KIAA1958: variants seen among roughly 807,000 people sequenced by gnomAD.
The protein encoded by KIAA1958 is KIAA1958.
In KIAA1958, 14 loss-of-function variants were observed where a neutral mutation model predicts 47.2. That is an observed-to-expected ratio of 0.30 (90% CI 0.20 to 0.46). The LOEUF is 0.46. Among genes scored for constraint, KIAA1958 ranks in the 20% least tolerant of loss-of-function variants. KIAA1958 has a pLI of 1.00. For synonymous variants in KIAA1958, 354 were observed against 353.3 expected, an observed-to-expected ratio of 1.00 and a Z score of -0.02; for missense variants, 803 against 909.2, an observed-to-expected ratio of 0.88 and a Z score of 1.50.
chr9:112,531,232 T>C (rs892778237), intron 1 of KIAA1958, among the ~76,000 whole-genome samples: 2 of 151,892 alleles, frequency 1.3e-5, no homozygotes, highest in Non-Finnish European at 2.9e-5. Flanking sequence ...CTACTAAAAA[T>C]ACAAAATTAG....
In KIAA1958 at chr9:112,618,085, C is replaced by T; in HGVS notation, c.1172-27565C>T. Reference sequence around the variant, plus strand: ...AGAAGGATGGGTCCGAATACGAACCCAACAGCTTGGCCAATTACCAGTGTG... The same window carrying T: ...AGAAGGATGGGTCCGAATACGAACCTAACAGCTTGGCCAATTACCAGTGTG... On this transcript the variant is annotated intron_variant, in intron 2 of 3. Transcript: ENST00000337530. The surrounding 1 kb of genome is among the most constrained non-coding windows in gnomAD (Gnocchi z 7.1). 6.4e-7 allele frequency: 1 copy of T among 1,550,540 alleles called. No individual in the cohort carries two copies.
At chr9:112,553,724 T>G (rs560622605) in intron 1 of KIAA1958, among the ~76,000 whole-genome samples, 11 of 152,338 alleles carry the variant, frequency 7.2e-5, no homozygotes, top group African/African-American at 2.6e-4. Flanking sequence ...CTCTGCTTTA[T>G]AAGATCTAAT....
chr9:112,636,339 G>A (rs1033235702), intron 2 of KIAA1958, among the ~76,000 whole-genome samples: 1 of 151,888 alleles, frequency 6.6e-6, no homozygotes, highest in African/African-American at 2.4e-5. Flanking sequence ...ATACAAACTT[G>A]AAGAAATGTG....
At chr9:112,653,621 C>T (rs1837097619) in intron 3 of KIAA1958, among the ~76,000 whole-genome samples, 1 of 152,184 alleles carries the variant, frequency 6.6e-6, no homozygotes, top group Non-Finnish European at 1.5e-5. Flanking sequence ...AAGACAGAAG[C>T]AGGCCACGTG....
rs1327863170 is a variant in KIAA1958, at chr9:112,486,845, G to A, written c.-298G>A. 2 of 130,372 alleles carry A rather than the reference G, an allele frequency of 1.5e-5. No individual in the cohort carries two copies. Among genetic ancestry groups the A allele is most frequent in the Non-Finnish European group, 3.3e-5 (2 of 60,708 alleles). The allele number at this position is 130,372 out of a possible 1,614,324, so 8.1% of individuals were successfully genotyped here. ...GCCCCGCCCCCTGCCCGCCCGCCGCGCTCCGAGCCGGGCGCGCGGAGCTCG... is the reference window on the plus strand; with the variant it reads ...GCCCCGCCCCCTGCCCGCCCGCCGCACTCCGAGCCGGGCGCGCGGAGCTCG... On this transcript the variant is annotated 5_prime_UTR_variant, in exon 1 of 4. Coordinates refer to ENST00000337530, the MANE Select transcript of KIAA1958 (RefSeq NM_133465.4).
chr9:112,617,772 C>G, intron 2 of KIAA1958: 2 of 922,576 alleles, frequency 2.2e-6, no homozygotes, highest in East Asian at 2.7e-5. Context: ...TTCCTCCTTT[C>G]CCTTGTCATT....
chr9:112,661,752 A>G lies in KIAA1958; in HGVS notation c.*1683A>G, dbSNP rs1488037269. The G allele has an allele frequency of 6.6e-6, 1 of 152,198 alleles. No homozygotes were observed. Among genetic ancestry groups the G allele is most frequent in the Admixed American group, 6.5e-5 (1 of 15,276 alleles). The allele number at this position is 152,198 out of a possible 1,614,324, so 9.4% of individuals were successfully genotyped here. A position where few individuals can be genotyped will look rare whatever the true frequency, so the allele number is the denominator to read the frequency against. Reference sequence around the variant, plus strand: ...TAGAGATTAGTTTCGGCATTTCTCCATCTGTATATAAATAACAGGTAATAT... The same window carrying G: ...TAGAGATTAGTTTCGGCATTTCTCCGTCTGTATATAAATAACAGGTAATAT... On this transcript the variant is annotated 3_prime_UTR_variant, in exon 4 of 4. Transcript: ENST00000337530.
chr9:112,568,887 CA>C (rs71382445), intron 1 of KIAA1958, among the ~76,000 whole-genome samples: 63,227 of 72,978 alleles, frequency 0.87, 27,240 homozygotes, highest in South Asian at 0.95. Context: ...GACCTTGTCT[CA>C]AAAAAAAAAA....
chr9:112,602,574 A>C (rs1836153003), intron 2 of KIAA1958, among the ~76,000 whole-genome samples: 1 of 152,140 alleles, frequency 6.6e-6, no homozygotes, highest in East Asian at 1.9e-4. Context: ...GGTTATGTTC[A>C]TTCTGGTATG....
chr9:112,525,013 C>A (rs1834615592), intron 1 of KIAA1958, among the ~76,000 whole-genome samples: 1 of 135,590 alleles, frequency 7.4e-6, no homozygotes, highest in Non-Finnish European at 1.6e-5. Flanking sequence ...GGCCTGAGAA[C>A]CTAATATCAT....
intron 1 of KIAA1958, among the ~76,000 whole-genome samples, chr9:112,567,552 C>T (rs2131165865): frequency 6.6e-6 from 1 of 152,328 alleles, no homozygotes; most frequent in East Asian, 1.9e-4. Context: ...CACCCAGTGA[C>T]TTCCATTTAG....
At chr9:112,589,959 C>T (rs1835890371) in intron 2 of KIAA1958, among the ~76,000 whole-genome samples, 1 of 152,204 alleles carries the variant, frequency 6.6e-6, no homozygotes, top group Non-Finnish European at 1.5e-5. Flanking sequence ...TTCAGATCCA[C>T]TTGTTACTGC....
chr9:112,492,864 C>G (rs1446459223), intron 1 of KIAA1958, among the ~76,000 whole-genome samples: 1 of 151,796 alleles, frequency 6.6e-6, no homozygotes, highest in East Asian at 1.9e-4. Context: ...GTCCTCTCAC[C>G]TCAGCCTTCT....
chr9:112,538,197 T>C (rs1031509367), intron 1 of KIAA1958, among the ~76,000 whole-genome samples: 2 of 151,882 alleles, frequency 1.3e-5, no homozygotes, highest in African/African-American at 4.8e-5. Flanking sequence ...TAAATAAAAA[T>C]AGCCAGGAGT....
chr9:112,590,682 T>C (rs1247229440), intron 2 of KIAA1958, among the ~76,000 whole-genome samples: 2 of 152,064 alleles, frequency 1.3e-5, no homozygotes, highest in Non-Finnish European at 2.9e-5. Flanking sequence ...TTGCTAACCA[T>C]GGCAGACCTC....
rs1835046307 is a variant in KIAA1958 at position 112,546,958 on chromosome 9, T to A, written c.-24-27099T>A. ...ATAAGAAATATGTATATATATATAT[T>A]TTTTGAGACAGTCCCGTCTGCTGCC... On this transcript the variant is annotated intron_variant, in intron 1 of 3. Transcript: ENST00000337530. Among the ~76,000 whole-genome samples the A allele has an allele frequency of 2.0e-5, 3 of 151,810 alleles. No individual in the cohort carries two copies. In the South Asian group the frequency reaches 6.2e-4, roughly 32 times the overall value.
chr9:112,635,225 T>C (rs906496319), intron 2 of KIAA1958, among the ~76,000 whole-genome samples: 1 of 122,824 alleles, frequency 8.1e-6, no homozygotes, highest in African/African-American at 3.5e-5. Context: ...TGTGTGTGTG[T>C]GTGTGTGTGT....
chr9:112,622,644 T>G (rs1231407055), intron 2 of KIAA1958, among the ~76,000 whole-genome samples: 4 of 152,236 alleles, frequency 2.6e-5, no homozygotes, highest in African/African-American at 9.6e-5. Context: ...TCCCTATGGT[T>G]AAATTTTCCC....
At chr9:112,594,435 C>A (rs2798312) in intron 2 of KIAA1958, among the ~76,000 whole-genome samples, 124,793 of 152,160 alleles carry the variant, frequency 0.82, 51,503 homozygotes, top group African/African-American at 0.88. Flanking sequence ...CCTGGGACCC[C>A]CTAGTCTATG....
Sources: allele counts gnomAD v4.1 joint callset (sites outside exome capture counted in the v4.1 genomes callset), GRCh38; gene constraint gnomAD v4.1.1; non-coding constraint Gnocchi (gnomAD v3.1); transcripts MANE v1.5; gene names NCBI Gene and HGNC (gene_info 2026-07-23, HGNC 2026-07-21).